MPO: variants seen among roughly 807,000 people sequenced by gnomAD.
MPO encodes myeloperoxidase.
In MPO, 57 loss-of-function variants were observed where a neutral mutation model predicts 69.4. The ratio of observed to expected loss-of-function variants is 0.82; its 90% confidence interval spans 0.66 to 1.02. MPO has a LOEUF of 1.02. Among genes scored for constraint, MPO ranks in the 50% least tolerant of loss-of-function variants. The pLI, the probability that MPO is intolerant of heterozygous loss-of-function variation, is 0.00. For synonymous variants in MPO, 426 were observed against 417.1 expected (o/e 1.02, Z -0.26); for missense variants, 971 against 1,014.1 (o/e 0.96, Z 0.58).
Position 58,271,899 on chromosome 17 carries a change from G to T in MPO, c.1793-7C>A, listed in dbSNP as rs907585174. The T allele has an allele frequency of 6.2e-7, 1 of 1,613,614 alleles. No homozygotes were observed. The stretch of plus-strand genomic sequence containing the variant: ...CGCCTCCAGGCATTGTATCCTGCAT[G>T]GGGGAGGGGACAGGTGGCTATGGGC... On this transcript the variant is annotated splice_region_variant and splice_polypyrimidine_tract_variant and intron_variant, in intron 10 of 11. Coordinates refer to ENST00000225275, the MANE Select transcript of MPO (RefSeq NM_000250.2).
In MPO at chr17:58,271,858, C is replaced by G; in HGVS notation, c.1827G>C (p.Pro609=). 6.2e-7 allele frequency: 1 copy of G among 1,614,120 alleles called. No homozygotes were observed. Among genetic ancestry groups the G allele is most frequent in the South Asian group, 1.1e-5 (1 of 91,084 alleles). ...CCAGCTGGCCCACAGTTTCAGGCTG[C>G]GGGAGCCCACAGAAGCGCCTCCAGG... The part of the protein sequence containing the change: ...YNAWRRFCGL[P]QPETVGQLGT... Residue 609 remains proline, a synonymous_variant, in exon 11 of 12, where the codon CCG becomes CCC. Transcript: ENST00000225275.
chr17:58,270,202 G>A lies in MPO; in HGVS notation c.*454C>T, dbSNP rs931582168. 1 of 303,938 alleles carries A rather than the reference G, an allele frequency of 3.3e-6. No homozygotes were observed. Among genetic ancestry groups the A allele is most frequent in the Non-Finnish European group, 6.4e-6 (1 of 155,834 alleles). The allele number at this position is 303,938 out of a possible 1,614,324, so 18.8% of individuals were successfully genotyped here. On this transcript the variant is annotated 3_prime_UTR_variant, in exon 12 of 12. Coordinates refer to ENST00000225275, the MANE Select transcript of MPO (RefSeq NM_000250.2). The surrounding 1 kb of genome is among the most constrained non-coding windows in gnomAD (Gnocchi z 4.1). ...GGTGCTCAATAAATGAAGAACCAGA[G>A]GATACAAGTGGGCCCTCCAAGAAAC...
In MPO at chr17:58,280,435, G is replaced by A. The variant is rs752277567; in HGVS notation, c.179C>T (p.Ser60Leu). 1.7e-5 allele frequency: 27 copies of A among 1,613,900 alleles called. No individual in the cohort carries two copies. Among genetic ancestry groups the A allele is most frequent in the South Asian group, 1.3e-4 (12 of 91,070 alleles). The change falls in exon 2 of 12, where the codon TCG (serine) becomes TTG (leucine). Residue 60 changes from serine (S) to leucine (L), a missense_variant. Coordinates refer to ENST00000225275, the MANE Select transcript of MPO (RefSeq NM_000250.2). ...CTCCTCCATGGAGCTCAGCACCAACGAGGTGTCCACCTCCCCCAGGACAGC... is the reference window on the plus strand; with the variant it reads ...CTCCTCCATGGAGCTCAGCACCAACAAGGTGTCCACCTCCCCCAGGACAGC... ...APAVLGEVDT[S>L]LVLSSMEEAK...
chr17:58,280,089 G>T, intron 2 of MPO, 75 bp from the exon 3 acceptor site: 1 of 1,580,136 alleles, frequency 6.3e-7, no homozygotes, highest in South Asian at 1.1e-5. Flanking sequence ...CCCAGGGGCA[G>T]ACATGCAGGA....
chr17:58,275,778 C>A lies in MPO; in HGVS notation c.1205-76G>T, dbSNP rs907221397. On this transcript the variant is annotated intron_variant, in intron 7 of 11. Transcript: ENST00000225275. The surrounding 1 kb of genome is among the most constrained non-coding windows in gnomAD (Gnocchi z 4.1). ...GATTTGCTCCACTGAAACCCCCTCC[C>A]CAGCCAAGGCCTGAAATGCCTCCTA... 5 of 1,561,760 alleles carry A rather than the reference C, an allele frequency of 3.2e-6. No individual in the cohort carries two copies. The Middle Eastern group carries it at 5.0e-4, about 155-fold the overall frequency.
chr17:58,277,250 T>C (rs1320953543), intron 7 of MPO, among the ~76,000 whole-genome samples: 1 of 152,200 alleles, frequency 6.6e-6, no homozygotes, highest in Non-Finnish European at 1.5e-5. Context: ...GGGGATATTT[T>C]GGAGCAGTGT....
rs7208693 is a variant in MPO, at chr17:58,280,457, C to T, written c.157G>A (p.Val53Ile). The T allele has an allele frequency of 1.2e-6, 2 of 1,613,660 alleles. No individual in the cohort carries two copies. The highest frequency in any genetic ancestry group is 2.7e-5 in the African/African-American group (2 of 74,854). ...AACGAGGTGTCCACCTCCCCCAGGA[C>T]AGCTGCCCAGAGCAGGGATCACAAA... ...PQPSEGAAPA[V>I]LGEVDTSLVL... Residue 53 changes from valine to isoleucine, a missense_variant and splice_region_variant, in exon 2 of 12, where the codon GTC becomes ATC. Transcript: ENST00000225275.
At chr17:58,272,659 G>T (rs1970381219) in intron 10 of MPO, 89 bp downstream of exon 10, 1 of 1,475,920 alleles carries the variant, frequency 6.8e-7, no homozygotes, top group East Asian at 2.3e-5. Flanking sequence ...GAGAGGGCAG[G>T]GACCCTAGAG....
At chr17:58,273,354 G>T in intron 9 of MPO, 60 bp downstream of exon 9, 1 of 1,612,908 alleles carries the variant, frequency 6.2e-7, no homozygotes. Flanking sequence ...TAGAGCCAAG[G>T]TGATCCCTAC....
In MPO at chr17:58,278,078, G is replaced by A. The variant is rs1970462031; in HGVS notation, c.953C>T (p.Ala318Val). The A allele has an allele frequency of 6.2e-7, 1 of 1,611,298 alleles. No individual in the cohort carries two copies. Among genetic ancestry groups the A allele is most frequent in the Non-Finnish European group, 8.5e-7 (1 of 1,180,024 alleles). ...GATGGTGATGTTGCTCCCGGGGCAAGCCGGGCAGGAGCGGAAGAACGGGAT... is the reference window on the plus strand; with the variant it reads ...GATGGTGATGTTGCTCCCGGGGCAAACCGGGCAGGAGCGGAAGAACGGGAT... The part of the protein sequence containing the change: ...DCIPFFRSCP[A>V]CPGSNITIRN... The change falls in exon 7 of 12, where the codon GCT (alanine) becomes GTT (valine). Residue 318 changes from alanine (A) to valine (V), a missense_variant. By Grantham distance (64) the Ala-to-Val change is moderately conservative (BLOSUM62 0). Transcript: ENST00000225275.
chr17:58,280,680 T>C lies in MPO; in HGVS notation c.79A>G (p.Met27Val). 6.2e-7 allele frequency: 1 copy of C among 1,614,174 alleles called. No individual in the cohort carries two copies. The highest frequency in any genetic ancestry group is 1.7e-5 in the Admixed American group (1 of 60,030). Residue 27 changes from methionine (M) to valine (V), a missense_variant, in exon 1 of 12, where the codon ATG becomes GTG. By Grantham distance (21) the Met-to-Val change is conservative (BLOSUM62 1). Transcript: ENST00000225275. ...PCWAGGLTAE[M>V]KLLLALAGLL... ...CCTGCTAGGGCCAGAAGCAGCTTCA[T>C]CTCTGCAGTGAGACCCCCAGCCCAG...
chr17:58,272,680 G>T (rs1970381746), intron 10 of MPO, 68 bp downstream of exon 10: 2 of 1,554,530 alleles, frequency 1.3e-6, no homozygotes, highest in Non-Finnish European at 1.8e-6. Flanking sequence ...TGGGAAGGGG[G>T]GTGATGGGCT....
intron 3 of MPO, 42 bp from the exon 4 acceptor site, chr17:58,279,688 T>A: frequency 1.2e-6 from 2 of 1,613,896 alleles, no homozygotes; most frequent in Non-Finnish European, 1.7e-6. Flanking sequence ...GCCGCCTCAC[T>A]TCCTATCCCA....
In MPO at chr17:58,279,555, T is replaced by A. The variant is rs151206443; in HGVS notation, c.516A>T (p.Lys172Asn). 1 of 1,614,020 alleles carries A rather than the reference T, an allele frequency of 6.2e-7. No homozygotes were observed. The highest frequency in any genetic ancestry group is 1.3e-5 in the African/African-American group (1 of 74,942). Residue 172 changes from lysine to asparagine, a missense_variant, in exon 4 of 12, where the codon AAA becomes AAT. Transcript: ENST00000225275. ...TGCACATCCCGGTGATGGTGCGGTA[T>A]TTGTCCTGCTCCGGGCAAGTCACCC... is the stretch of plus-strand genomic sequence containing the variant. Reference protein sequence around the residue: ...DVGVTCPEQDKYRTITGMCNN... With the variant: ...DVGVTCPEQDNYRTITGMCNN...
chr17:58,272,952 T>C (rs776822724), intron 9 of MPO, 34 bp from the exon 10 acceptor site: 9 of 1,612,296 alleles, frequency 5.6e-6, no homozygotes, highest in Non-Finnish European at 6.8e-6. Flanking sequence ...AGGGGAAGTA[T>C]CTGGCTCAGT....
intron 8 of MPO, chr17:58,274,347 A>AGTGTGTGT (rs55893734): frequency 0.036 from 12,189 of 334,082 alleles, 245 homozygotes; most frequent in African/African-American, 0.079. Context: ...AGAATCTAGG[A>AGTGTGTGT]GTGTGTGTGT....
At position 58,270,635 on chromosome 17, in the gene MPO, C is replaced by A; in HGVS notation, c.*21G>T. The A allele has an allele frequency of 6.3e-7, 1 of 1,586,938 alleles. No homozygotes were observed. Among genetic ancestry groups the A allele is most frequent in the African/African-American group, 1.3e-5 (1 of 74,382 alleles). ...GCCAGCCCAGATATACCCCTCACTG[C>A]TGCACCCCCTTACCTGGCCTCTAGG... On this transcript the variant is annotated 3_prime_UTR_variant, in exon 12 of 12. Coordinates refer to ENST00000225275, the MANE Select transcript of MPO (RefSeq NM_000250.2). The surrounding 1 kb of genome is among the most constrained non-coding windows in gnomAD (Gnocchi z 4.1).
rs761297782 is a variant in MPO, at chr17:58,279,444, G to T, written c.549-18C>A. On this transcript the variant is annotated intron_variant, in intron 4 of 11. Coordinates refer to ENST00000225275, the MANE Select transcript of MPO (RefSeq NM_000250.2). Reference sequence around the variant, plus strand: ...GGCTGCGTCTGCAGGGGAGGACAGGGCGCTGACACCGGGAGGCTTGTGGCG... The same window carrying T: ...GGCTGCGTCTGCAGGGGAGGACAGGTCGCTGACACCGGGAGGCTTGTGGCG... 6.2e-7 allele frequency: 1 copy of T among 1,611,588 alleles called. No individual in the cohort carries two copies. The highest frequency in any genetic ancestry group is 8.5e-7 in the Non-Finnish European group (1 of 1,179,150).
chr17:58,280,752 C>G lies in MPO; in HGVS notation c.7G>C (p.Val3Leu). The G allele has an allele frequency of 6.2e-7, 1 of 1,614,188 alleles. No homozygotes were observed. The highest frequency in any genetic ancestry group is 8.5e-7 in the Non-Finnish European group (1 of 1,180,016). Reference protein sequence around the residue: MGVPFFSSLRCMV... With the variant: MGLPFFSSLRCMV... ...CATCTGAGAGAAGAGAAGAAGGGAA[C>G]CCCCATCTCTCTTCTCCTGGGCTGC... is the stretch of plus-strand genomic sequence containing the variant. Residue 3 changes from valine to leucine, a missense_variant, in exon 1 of 12, where the codon GTT becomes CTT. Transcript: ENST00000225275.
Sources: gnomAD v4.1 joint callset for allele counts (sites outside exome capture counted in the v4.1 genomes callset) on GRCh38, gnomAD v4.1.1 for gene constraint, Gnocchi (gnomAD v3.1) non-coding constraint, MANE v1.5 for transcripts, NCBI Gene and HGNC (gene_info 2026-07-23, HGNC 2026-07-21) for gene names.